CUX2: variants seen among roughly 807,000 people sequenced by gnomAD.
CUX2 encodes the protein homeobox protein cut-like 2.
CUX2 carries 40 observed loss-of-function variants against 144.8 expected under a neutral mutation model. The observed-to-expected ratio is 0.28, with a 90% CI of 0.21 to 0.36. The LOEUF is 0.36. Ranked by LOEUF, CUX2 falls within the 10% of genes least tolerant of loss-of-function variation. The pLI, the probability that CUX2 is intolerant of heterozygous loss-of-function variation, is 1.00. For missense variants in CUX2, 1,615 were observed against 1,994.0 expected (o/e 0.81, Z 3.62); for synonymous variants, 827 against 875.6 (o/e 0.94, Z 0.98).
Position 111,295,527 on chromosome 12 carries a change from A to T in CUX2, c.637+118A>T. ...AGGTGTTTTAGAATCAAGAGGGCAA[A>T]ATGGGAGTTTGGGAAGAATAATCTT... On this transcript the variant is annotated intron_variant, in intron 7 of 21. Transcript: ENST00000261726. The surrounding 1 kb of genome is among the most constrained non-coding windows in gnomAD (Gnocchi z 5.0). 1 of 824,148 alleles carries T rather than the reference A, an allele frequency of 1.2e-6. No individual in the cohort carries two copies. Among genetic ancestry groups the T allele is most frequent in the Non-Finnish European group, 1.9e-6 (1 of 534,850 alleles). The allele number at this position is 824,148 out of a possible 1,614,324, so 51.1% of individuals were successfully genotyped here. A position where few individuals can be genotyped will look rare whatever the true frequency, so the allele number is the denominator to read the frequency against.
intron 1 of CUX2, among the ~76,000 whole-genome samples, chr12:111,038,390 C>T (rs962747889): frequency 2.0e-5 from 3 of 152,206 alleles, no homozygotes; most frequent in African/African-American, 4.8e-5. Flanking sequence ...GAATTGCTGC[C>T]GAGGTCCAAT....
Position 111,057,518 on chromosome 12 carries a change from A to G in CUX2, c.63+23278A>G, listed in dbSNP as rs1183825412. On this transcript the variant is annotated intron_variant, in intron 1 of 21. Coordinates refer to ENST00000261726, the MANE Select transcript of CUX2 (RefSeq NM_015267.4). The surrounding 1 kb of genome is among the most constrained non-coding windows in gnomAD (Gnocchi z 5.1). ...CTGCCCTCTTGAGGGCCTCAGGGTG[A>G]CCAGGCCGATTCCAACGTGGGGACC... 6.6e-6 allele frequency among the ~76,000 whole-genome samples: 1 copy of G among 152,072 alleles called. No individual in the cohort carries two copies. The highest frequency in any genetic ancestry group is 1.5e-5 in the Non-Finnish European group (1 of 68,026).
intron 1 of CUX2, among the ~76,000 whole-genome samples, chr12:111,063,506 C>T (rs1399992240): frequency 6.6e-6 from 1 of 152,198 alleles, no homozygotes. Context: ...CATCGCGAGG[C>T]GGCACCATCG....
intron 1 of CUX2, among the ~76,000 whole-genome samples, chr12:111,177,086 C>T (rs1878900285): frequency 1.3e-5 from 2 of 152,186 alleles, no homozygotes; most frequent in Admixed American, 6.5e-5. Context: ...AACCACTGTT[C>T]TAGAGTTTTG....
At position 111,304,006 on chromosome 12, in the gene CUX2, C is replaced by T; in HGVS notation, c.754-204C>T. ...CTGTCCTCTCAGCTCAGGAGTAACC[C>T]CAGAGGCTGCTATTTCTTGTCCCCA... On this transcript the variant is annotated intron_variant, in intron 9 of 21. Coordinates refer to ENST00000261726, the MANE Select transcript of CUX2 (RefSeq NM_015267.4). This position sits in a 1 kb window ranked among gnomAD's most constrained non-coding sequence, Gnocchi z 4.7. 1.6e-5 allele frequency: 9 copies of T among 546,068 alleles called. No homozygotes were observed. Among genetic ancestry groups the T allele is most frequent in the Non-Finnish European group, 3.0e-5 (9 of 303,594 alleles). 33.8% of individuals were successfully genotyped at this position (546,068 alleles called of 1,614,324 possible). A position where few individuals can be genotyped will look rare whatever the true frequency, so the allele number is the denominator to read the frequency against.
intron 1 of CUX2, among the ~76,000 whole-genome samples, chr12:111,174,086 G>A (rs879877451): frequency 3.7e-4 from 56 of 152,346 alleles, no homozygotes; most frequent in Admixed American, 3.3e-3. Context: ...CACAGGCCTT[G>A]CAGACTGGGC....
chr12:111,281,251 G>T (rs991349097), intron 4 of CUX2, among the ~76,000 whole-genome samples: 2 of 152,190 alleles, frequency 1.3e-5, no homozygotes, highest in Admixed American at 6.5e-5. Flanking sequence ...CTGGGACCTG[G>T]TGTCTTGTCC....
At chr12:111,251,676 T>C (rs965440597) in intron 3 of CUX2, among the ~76,000 whole-genome samples, 6 of 152,172 alleles carry the variant, frequency 3.9e-5, no homozygotes, top group African/African-American at 1.4e-4. Context: ...TGTGCCTTAT[T>C]TTTACCCTGG....
At chr12:111,323,886 A>C (rs1887650178) in intron 18 of CUX2, among the ~76,000 whole-genome samples, 1 of 152,102 alleles carries the variant, frequency 6.6e-6, no homozygotes, top group Non-Finnish European at 1.5e-5. Flanking sequence ...GCGAAACCTC[A>C]TCTCTACAAA....
intron 14 of CUX2, 92 bp downstream of exon 14, chr12:111,308,618 A>C: frequency 1.9e-6 from 2 of 1,075,884 alleles, no homozygotes; most frequent in Admixed American, 2.1e-5. Flanking sequence ...ACTGCCTTCC[A>C]TGCAGGCAGG....
chr12:111,336,818 C>G (rs1178188209), intron 19 of CUX2, among the ~76,000 whole-genome samples: 1 of 151,966 alleles, frequency 6.6e-6, no homozygotes, highest in East Asian at 1.9e-4. Context: ...CACTTAATTT[C>G]CTCTCCTTTT....
At chr12:111,240,669 AC>A in intron 3 of CUX2, among the ~76,000 whole-genome samples, 1 of 152,240 alleles carries the variant, frequency 6.6e-6, no homozygotes, top group Non-Finnish European at 1.5e-5. Context: ...CATGTCACTT[AC>A]CACAGAGTTG....
In CUX2 at chr12:111,298,898, C is replaced by T. The variant is rs752026199; in HGVS notation, c.753+309C>T. The stretch of plus-strand genomic sequence containing the variant: ...CCCAGACTGCGGGAGTCCAGGAAGA[C>T]GTCCTAGAGGAAGGGATGTGGAGCT... On this transcript the variant is annotated intron_variant, in intron 9 of 21. Coordinates refer to ENST00000261726, the MANE Select transcript of CUX2 (RefSeq NM_015267.4). Among the ~76,000 whole-genome samples the T allele has an allele frequency of 1.4e-4, 21 of 152,148 alleles. 1 individual carries two copies. The highest frequency in any genetic ancestry group is 3.1e-4 in the Non-Finnish European group (21 of 68,016).
rs900483908 is a variant in CUX2, at chr12:111,304,606, T to C, written c.858+292T>C. On this transcript the variant is annotated intron_variant, in intron 10 of 21. Transcript: ENST00000261726. This position sits in a 1 kb window ranked among gnomAD's most constrained non-coding sequence, Gnocchi z 4.7. ...AGTATCTTCCTTTGGAGGCCTCCCT[T>C]ATCCCCAATTATCCAAGAATGCCAG... 1.1e-4 allele frequency among the ~76,000 whole-genome samples: 16 copies of C among 152,188 alleles called. No individual in the cohort carries two copies. Among genetic ancestry groups the C allele is most frequent in the Non-Finnish European group, 1.2e-4 (8 of 68,022 alleles).
In CUX2 at chr12:111,061,931, G is replaced by A. The variant is rs1004738627; in HGVS notation, c.63+27691G>A. Among the ~76,000 whole-genome samples, 3 of 152,174 alleles carry A rather than the reference G, an allele frequency of 2.0e-5. No homozygotes were observed. Among genetic ancestry groups the A allele is most frequent in the Non-Finnish European group, 4.4e-5 (3 of 68,042 alleles). On this transcript the variant is annotated intron_variant, in intron 1 of 21. Transcript: ENST00000261726. This position sits in a 1 kb window ranked among gnomAD's most constrained non-coding sequence, Gnocchi z 4.2. Reference sequence around the variant, plus strand: ...GCCCCTGCCAATAAGACTTCAGCGCGTGCACTCCATCTGTGCCTCAGCTTC... The same window carrying A: ...GCCCCTGCCAATAAGACTTCAGCGCATGCACTCCATCTGTGCCTCAGCTTC...
Position 111,304,103 on chromosome 12 carries a change from A to T in CUX2, c.754-107A>T. 1 of 799,322 alleles carries T rather than the reference A, an allele frequency of 1.3e-6. No homozygotes were observed. The highest frequency in any genetic ancestry group is 2.7e-5 in the East Asian group (1 of 37,116). 49.5% of individuals were successfully genotyped at this position (799,322 alleles called of 1,614,324 possible). ...TCCGGGACTAGGAAGGCAGGACCTGAGGCCCTCGGAGGTCTGCCTCCCCAA... is the reference window on the plus strand; with the variant it reads ...TCCGGGACTAGGAAGGCAGGACCTGTGGCCCTCGGAGGTCTGCCTCCCCAA... On this transcript the variant is annotated intron_variant, in intron 9 of 21. Coordinates refer to ENST00000261726, the MANE Select transcript of CUX2 (RefSeq NM_015267.4). This position sits in a 1 kb window ranked among gnomAD's most constrained non-coding sequence, Gnocchi z 4.7.
chr12:111,199,964 C>T (rs763251354), intron 1 of CUX2, among the ~76,000 whole-genome samples: 6 of 152,068 alleles, frequency 3.9e-5, no homozygotes, highest in Non-Finnish European at 8.8e-5. Context: ...TTGCGTGCTG[C>T]GTGGTACCCT....
At chr12:111,143,572 A>G (rs1876471609) in intron 1 of CUX2, among the ~76,000 whole-genome samples, 1 of 152,228 alleles carries the variant, frequency 6.6e-6, no homozygotes, top group Non-Finnish European at 1.5e-5. Context: ...TGTAATACCC[A>G]CTAGTATAAA....
At chr12:111,265,314 A>T (rs769881240) in intron 4 of CUX2, among the ~76,000 whole-genome samples, 47 of 63,990 alleles carry the variant, frequency 7.3e-4, no homozygotes, top group East Asian at 2.7e-3. Context: ...TTTTATTTTT[A>T]TTTTATTTTA....
Sources: allele counts gnomAD v4.1 joint callset (sites outside exome capture counted in the v4.1 genomes callset), GRCh38; gene constraint gnomAD v4.1.1; non-coding constraint Gnocchi (gnomAD v3.1); transcripts MANE v1.5; gene names NCBI Gene and HGNC (gene_info 2026-07-23, HGNC 2026-07-21).